Variants in SERPINI1 observed in about 807,000 individuals in gnomAD.
The protein encoded by SERPINI1 is serpin family I member 1.
In SERPINI1, 19 loss-of-function variants were observed where a neutral mutation model predicts 41.1. The observed-to-expected ratio is 0.46, with a 90% confidence interval of 0.32 to 0.68. The LOEUF (loss-of-function observed/expected upper bound fraction) is 0.68, where lower values mean the gene tolerates loss of function less well. SERPINI1 is among the 30% of genes least tolerant of loss of function. SERPINI1 has a pLI of 0.03. For missense variants in SERPINI1, 460 were observed against 479.2 expected, an observed-to-expected ratio of 0.96 and a Z score of 0.37; for synonymous variants, 138 against 156.6, an observed-to-expected ratio of 0.88 and a Z score of 0.89.
chr3:167,796,456 AC>A (rs1184005797), intron 5 of SERPINI1, among the ~76,000 whole-genome samples: 2 of 151,926 alleles, frequency 1.3e-5, no homozygotes, highest in Admixed American at 6.6e-5. Context: ...TCAACTCATC[AC>A]CTAGGTATTA....
intron 5 of SERPINI1, among the ~76,000 whole-genome samples, chr3:167,797,016 G>T (rs745914936): frequency 2.0e-5 from 3 of 152,124 alleles, no homozygotes; most frequent in Admixed American, 1.3e-4. Context: ...AGCCTTGCCA[G>T]CATGTGTTGT....
intron 1 of SERPINI1, among the ~76,000 whole-genome samples, chr3:167,778,482 T>C (rs1264281746): frequency 2.0e-5 from 3 of 152,162 alleles, no homozygotes; most frequent in African/African-American, 7.2e-5. Context: ...TCAAACTGTC[T>C]TTGGAAGCTG....
At chr3:167,786,252 C>T (rs1381448788) in intron 1 of SERPINI1, among the ~76,000 whole-genome samples, 1 of 152,112 alleles carries the variant, frequency 6.6e-6, no homozygotes, top group East Asian at 1.9e-4. Flanking sequence ...CCTGTAATCC[C>T]AGCACTTTGG....
At chr3:167,799,794 C>T (rs1482300203) in intron 5 of SERPINI1, among the ~76,000 whole-genome samples, 7 of 152,148 alleles carry the variant, frequency 4.6e-5, no homozygotes, top group African/African-American at 1.4e-4. Context: ...CTCTAATGAC[C>T]AGTGCTGATG....
intron 1 of SERPINI1, among the ~76,000 whole-genome samples, chr3:167,786,339 C>T (rs1294421009): frequency 1.3e-5 from 2 of 151,490 alleles, no homozygotes; most frequent in East Asian, 3.9e-4. Context: ...CCCGTCTCTA[C>T]TAAAAATACA....
chr3:167,790,286 C>T, intron 2 of SERPINI1, 86 bp from the exon 3 acceptor site: 2 of 1,007,928 alleles, frequency 2.0e-6, no homozygotes, highest in East Asian at 2.4e-5. Context: ...GTTAATCTCC[C>T]TTGCTGTGCT....
At chr3:167,764,907 T>C (rs1437440189) in intron 1 of SERPINI1, among the ~76,000 whole-genome samples, 1 of 152,190 alleles carries the variant, frequency 6.6e-6, no homozygotes, top group Non-Finnish European at 1.5e-5. Context: ...ATCTTAAAGC[T>C]CCAAAATGAT....
At chr3:167,817,227 A>G (rs1387893970) in intron 6 of SERPINI1, among the ~76,000 whole-genome samples, 3 of 152,280 alleles carry the variant, frequency 2.0e-5, no homozygotes, top group East Asian at 3.9e-4. Flanking sequence ...GATGATTTGT[A>G]TATGTTGCTA....
At chr3:167,742,319 C>G (rs987118487) in intron 1 of SERPINI1, among the ~76,000 whole-genome samples, 15 of 152,140 alleles carry the variant, frequency 9.9e-5, no homozygotes, top group Non-Finnish European at 2.1e-4. Context: ...GAAACGCTTT[C>G]AGCTACAAGT....
chr3:167,752,184 C>A (rs1003464413), intron 1 of SERPINI1, among the ~76,000 whole-genome samples: 2 of 152,102 alleles, frequency 1.3e-5, no homozygotes, highest in African/African-American at 4.8e-5. Context: ...CTCCACACTC[C>A]CCAAAAACTC....
intron 1 of SERPINI1, among the ~76,000 whole-genome samples, chr3:167,755,833 C>T (rs1205975416): frequency 4.3e-5 from 6 of 139,340 alleles, no homozygotes; most frequent in Non-Finnish European, 6.0e-5. Flanking sequence ...GTCCGTCCTG[C>T]AGACCCCAGC....
chr3:167,745,881 A>T (rs1034672171), intron 1 of SERPINI1, among the ~76,000 whole-genome samples: 1 of 152,292 alleles, frequency 6.6e-6, no homozygotes, highest in South Asian at 2.1e-4. Flanking sequence ...AAAACACCAA[A>T]TGATGTACAA....
intron 6 of SERPINI1, among the ~76,000 whole-genome samples, chr3:167,810,215 TG>T (rs1711822599): frequency 6.6e-6 from 1 of 152,178 alleles, no homozygotes; most frequent in Admixed American, 6.6e-5. Context: ...CATTTTCATA[TG>T]TCTAGTTTTT....
chr3:167,804,329 C>T (rs535922683), intron 5 of SERPINI1, among the ~76,000 whole-genome samples: 3 of 152,130 alleles, frequency 2.0e-5, no homozygotes, highest in Non-Finnish European at 2.9e-5. Context: ...TTCTCATTTT[C>T]CTTAAAACCA....
At position 167,825,533 on chromosome 3, in the gene SERPINI1, CTGT is replaced by C. The variant is rs1712491694; in HGVS notation, c.*215_*217del. Reference sequence around the variant, plus strand: ...CCTGTTATGTCATTGTGTTTGTGTGCTGTTGTTTAAAATAAAAGTACCTATTGA... The same window carrying C: ...CCTGTTATGTCATTGTGTTTGTGTGCTGTTTAAAATAAAAGTACCTATTGA... On this transcript the variant is annotated 3_prime_UTR_variant, in exon 9 of 9. Transcript: ENST00000446050. 7 of 524,438 alleles carry C rather than the reference CTGT, an allele frequency of 1.3e-5. No individual in the cohort carries two copies. Among genetic ancestry groups the C allele is most frequent in the Non-Finnish European group, 2.4e-5 (7 of 294,082 alleles). 32.5% of individuals were successfully genotyped at this position (524,438 alleles called of 1,614,324 possible).
chr3:167,781,197 T>C (rs937693870), intron 1 of SERPINI1, among the ~76,000 whole-genome samples: 1 of 152,136 alleles, frequency 6.6e-6, no homozygotes, highest in African/African-American at 2.4e-5. Flanking sequence ...CCGGAAACTT[T>C]CACTTATTCC....
chr3:167,818,519 G>A (rs1166185746), intron 6 of SERPINI1, among the ~76,000 whole-genome samples: 1 of 151,606 alleles, frequency 6.6e-6, no homozygotes, highest in African/African-American at 2.4e-5. Flanking sequence ...TCTTGGGTAT[G>A]TTCTTTTTTT....
At chr3:167,740,281 T>C (rs1370974946) in intron 1 of SERPINI1, among the ~76,000 whole-genome samples, 3 of 152,208 alleles carry the variant, frequency 2.0e-5, no homozygotes, top group African/African-American at 7.2e-5. Context: ...TTCTCTCACC[T>C]TGGTCTCCCA....
intron 1 of SERPINI1, among the ~76,000 whole-genome samples, chr3:167,759,146 C>T (rs1307491919): frequency 6.6e-6 from 1 of 152,030 alleles, no homozygotes; most frequent in Non-Finnish European, 1.5e-5. Context: ...ATTCTCATAA[C>T]TACTTTACAA....
Sources: allele counts gnomAD v4.1 joint callset (sites outside exome capture counted in the v4.1 genomes callset), GRCh38; gene constraint gnomAD v4.1.1; transcripts MANE v1.5; gene names NCBI Gene and HGNC (gene_info 2026-07-23, HGNC 2026-07-21).